The following EPCAM variants were observed in gnomAD, a reference collection of about 807,000 sequenced individuals.
EPCAM encodes adenocarcinoma-associated antigen.
In EPCAM, 39 loss-of-function variants were observed where a neutral mutation model predicts 40.0. The observed-to-expected ratio is 0.98, with a 90% CI of 0.76 to 1.27. EPCAM has a LOEUF of 1.27. Ranked by LOEUF, EPCAM falls within the 50% of genes most tolerant of loss-of-function variation. EPCAM has a pLI of 0.00. For synonymous variants in EPCAM, 168 were observed against 132.3 expected, an observed-to-expected ratio of 1.27 and a Z score of -1.85; for missense variants, 503 against 381.2, an observed-to-expected ratio of 1.32 and a Z score of -2.66.
In EPCAM at chr2:47,385,209, A is replaced by T. The variant is rs200490326; in HGVS notation, c.902A>T (p.Glu301Val). 6.2e-7 allele frequency: 1 copy of T among 1,611,670 alleles called. No homozygotes were observed. The highest frequency in any genetic ancestry group is 1.3e-5 in the African/African-American group (1 of 74,864). Residue 301 changes from glutamate to valine, a missense_variant and splice_region_variant, in exon 8 of 9, where the codon GAG (glutamate) becomes GTG (valine). By Grantham distance (121) the Glu-to-Val change is moderately radical (BLOSUM62 -2). Coordinates refer to ENST00000263735, the MANE Select transcript of EPCAM (RefSeq NM_002354.3). Reference protein sequence around the residue: ...KKRMAKYEKAEIKEMGEMHRE... With the variant: ...KKRMAKYEKAVIKEMGEMHRE... ...AGAATGGCAAAGTATGAGAAGGCTG[A>T]GGTAAATGGATTACTTACCTAAATA...
intron 7 of EPCAM, among the ~76,000 whole-genome samples, chr2:47,382,310 G>A (rs1671615629): frequency 6.6e-6 from 1 of 152,212 alleles, no homozygotes; most frequent in African/African-American, 2.4e-5. Context: ...GTTAATGCTG[G>A]AAGTCTAATT....
chr2:47,380,069 A>T, intron 7 of EPCAM, 100 bp downstream of exon 7: 1 of 1,531,974 alleles, frequency 6.5e-7, no homozygotes, highest in Non-Finnish European at 8.8e-7. Flanking sequence ...TTATCCCTAC[A>T]CTTTGGGAGG....
intron 1 of EPCAM, among the ~76,000 whole-genome samples, chr2:47,371,108 G>C (rs1440237344): frequency 6.6e-6 from 1 of 152,230 alleles, no homozygotes; most frequent in East Asian, 1.9e-4. Flanking sequence ...GCCTCCCAGA[G>C]TGCTGGGATT....
intron 1 of EPCAM, among the ~76,000 whole-genome samples, chr2:47,372,496 G>A (rs867969855): frequency 5.3e-5 from 8 of 151,892 alleles, no homozygotes; most frequent in Non-Finnish European, 8.8e-5. Flanking sequence ...AAAAAAAGCC[G>A]GGCGCGGTGG....
chr2:47,377,746 C>T (rs1423028804), intron 5 of EPCAM: 1 of 460,198 alleles, frequency 2.2e-6, no homozygotes, highest in Non-Finnish European at 4.5e-6. Flanking sequence ...TGCATATTTA[C>T]TTTAGGATGT....
intron 1 of EPCAM, among the ~76,000 whole-genome samples, chr2:47,370,564 C>T (rs150187297): frequency 2.0e-5 from 3 of 148,458 alleles, no homozygotes; most frequent in Admixed American, 1.3e-4. Context: ...CGTGAGCCAC[C>T]GTGCCCGGCC....
In EPCAM at chr2:47,385,105, G is replaced by C. The variant is rs1397052330; in HGVS notation, c.859-61G>C. Reference sequence around the variant, plus strand: ...ATGTCCATTAAAAGCATATATGTCTGTTTAGATAATCTTTTTTTGAATAGC... The same window carrying C: ...ATGTCCATTAAAAGCATATATGTCTCTTTAGATAATCTTTTTTTGAATAGC... On this transcript the variant is annotated intron_variant, in intron 7 of 8. Coordinates refer to ENST00000263735, the MANE Select transcript of EPCAM (RefSeq NM_002354.3). 4 of 1,256,250 alleles carry C rather than the reference G, an allele frequency of 3.2e-6. No homozygotes were observed. The East Asian group carries it at 7.0e-5, about 22-fold the overall frequency. The allele number at this position is 1,256,250 out of a possible 1,614,324, so 77.8% of individuals were successfully genotyped here. A position where few individuals can be genotyped will look rare whatever the true frequency, so the allele number is the denominator to read the frequency against.
chr2:47,371,948 T>C (rs982178529), intron 1 of EPCAM, among the ~76,000 whole-genome samples: 1 of 152,208 alleles, frequency 6.6e-6, no homozygotes, highest in Non-Finnish European at 1.5e-5. Context: ...TCCTCTTCAG[T>C]TGAACTGAGG....
At chr2:47,382,426 C>T (rs189858765) in intron 7 of EPCAM, among the ~76,000 whole-genome samples, 42 of 152,292 alleles carry the variant, frequency 2.8e-4, no homozygotes, top group African/African-American at 9.6e-4. Flanking sequence ...GTGGCTTACG[C>T]CTATAATCCC....
At chr2:47,382,870 G>T (rs1671628897) in intron 7 of EPCAM, among the ~76,000 whole-genome samples, 1 of 152,166 alleles carries the variant, frequency 6.6e-6, no homozygotes, top group Admixed American at 6.5e-5. Context: ...TGCACAGGTG[G>T]TGATGATACT....
chr2:47,374,334 A>G (rs965168697), intron 3 of EPCAM, among the ~76,000 whole-genome samples: 1 of 152,122 alleles, frequency 6.6e-6, no homozygotes, highest in Non-Finnish European at 1.5e-5. Context: ...TTTTTCTTTT[A>G]TATCTTTACT....
intron 7 of EPCAM, chr2:47,383,094 C>G (rs1386492578): frequency 1.3e-5 from 2 of 151,586 alleles, no homozygotes; most frequent in Admixed American, 6.6e-5. Flanking sequence ...GTCACGAGGT[C>G]AGGAGATCGA....
intron 4 of EPCAM, among the ~76,000 whole-genome samples, 167 bp downstream of exon 4, chr2:47,375,466 C>G (rs571235069): frequency 6.6e-6 from 1 of 152,294 alleles, no homozygotes; most frequent in East Asian, 1.9e-4. Context: ...ATACACTTCA[C>G]TCAGATTCAC....
Position 47,369,532 on chromosome 2 carries a change from C to T in EPCAM, c.27C>T (p.Phe9=), listed in dbSNP as rs1435104298. 2 of 1,577,420 alleles carry T rather than the reference C, an allele frequency of 1.3e-6. No homozygotes were observed. Among genetic ancestry groups the T allele is most frequent in the South Asian group, 1.2e-5 (1 of 85,972 alleles). Residue 9 remains phenylalanine, a synonymous_variant, in exon 1 of 9, where the codon TTC becomes TTT. Transcript: ENST00000263735. Reference sequence around the variant, plus strand: ...TGGCGCCCCCGCAGGTCCTCGCGTTCGGGCTTCTGCTTGCCGCGGCGACGG... The same window carrying T: ...TGGCGCCCCCGCAGGTCCTCGCGTTTGGGCTTCTGCTTGCCGCGGCGACGG... MAPPQVLA[F]GLLLAAATAT... is the part of the protein sequence containing the mutation.
chr2:47,376,347 C>T (rs1671427235), intron 4 of EPCAM, among the ~76,000 whole-genome samples: 1 of 149,598 alleles, frequency 6.7e-6, no homozygotes, highest in African/African-American at 2.5e-5. Context: ...ACCTCTGCTT[C>T]CCGGATTCAA....
Position 47,373,842 on chromosome 2 carries a change from G to C in EPCAM, c.219G>C (p.Met73Ile), listed in dbSNP as rs2103747065. The C allele has an allele frequency of 6.2e-7, 1 of 1,614,040 alleles. No individual in the cohort carries two copies. The highest frequency in any genetic ancestry group is 8.5e-7 in the Non-Finnish European group (1 of 1,180,028). ...AAKCLVMKAE[M>I]NGSKLGRRAK... Reference sequence around the variant, plus strand: ...AATGTTTGGTGATGAAGGCAGAAATGAATGGCTCAAAACTTGGGAGAAGAG... The same window carrying C: ...AATGTTTGGTGATGAAGGCAGAAATCAATGGCTCAAAACTTGGGAGAAGAG... The change falls in exon 3 of 9, where the codon ATG becomes ATC. Residue 73 changes from methionine (M) to isoleucine (I), a missense_variant. Physicochemically the swap from Met to Ile is conservative, Grantham distance 10. Coordinates refer to ENST00000263735, the MANE Select transcript of EPCAM (RefSeq NM_002354.3).
intron 8 of EPCAM, 138 bp from the exon 9 acceptor site, chr2:47,386,434 A>C: frequency 1.6e-6 from 1 of 632,706 alleles, no homozygotes; most frequent in Non-Finnish European, 2.7e-6. Context: ...TTCTTTTTTT[A>C]TTTAAATAAG....
In EPCAM at chr2:47,377,570, A is replaced by G. The variant is rs1405594238; in HGVS notation, c.555+493A>G. On this transcript the variant is annotated intron_variant, in intron 5 of 8. Coordinates refer to ENST00000263735, the MANE Select transcript of EPCAM (RefSeq NM_002354.3). The stretch of plus-strand genomic sequence containing the variant: ...TTGGTTATCGTTGTTTTCCTTCCAT[A>G]GCCTTTGAAAAGCCTAGTTTTACTC... The G allele has an allele frequency of 2.4e-5, 6 of 249,788 alleles. No homozygotes were observed. In the East Asian group the frequency reaches 7.3e-4, roughly 30 times the overall value. The allele number at this position is 249,788 out of a possible 1,614,324, so 15.5% of individuals were successfully genotyped here. A position where few individuals can be genotyped will look rare whatever the true frequency, so the allele number is the denominator to read the frequency against.
In EPCAM at chr2:47,379,823, G is replaced by T. The variant is rs1671533996; in HGVS notation, c.712G>T (p.Glu238Ter). ...GAAAATGGACCTGACAGTAAATGGG[G>T]AACAACTGGATCTGGATCCTGGTCA... ...SKKMDLTVNGEQLDLDPGQTL... is the reference protein window; with the variant it reads ...SKKMDLTVNG The change falls in exon 7 of 9, where the codon GAA (glutamate) becomes TAA (stop). Residue 238 changes from glutamate (E) to a stop codon, truncating the protein, a stop_gained. Transcript: ENST00000263735. LOFTEE classifies it high-confidence loss of function. 1.2e-6 allele frequency: 2 copies of T among 1,613,970 alleles called. No individual in the cohort carries two copies. Among genetic ancestry groups the T allele is most frequent in the Non-Finnish European group, 1.7e-6 (2 of 1,179,998 alleles).
Sources: allele counts gnomAD v4.1 joint callset (sites outside exome capture counted in the v4.1 genomes callset), GRCh38; gene constraint gnomAD v4.1.1; transcripts MANE v1.5; gene names NCBI Gene and HGNC (gene_info 2026-07-23, HGNC 2026-07-21).